The following ZNF609 variants were observed in gnomAD, a reference collection of about 807,000 sequenced individuals.
ZNF609 encodes zinc finger protein 609.
ZNF609 carries 11 observed loss-of-function variants against 109.5 expected under a neutral mutation model. The ratio of observed to expected loss-of-function variants is 0.10; its 90% CI spans 0.06 to 0.17. The LOEUF (loss-of-function observed/expected upper bound fraction) is 0.17, where lower values mean the gene tolerates loss of function less well. Ranked by LOEUF, ZNF609 falls within the 10% of genes least tolerant of loss-of-function variation. The pLI, the probability that ZNF609 is intolerant of heterozygous loss-of-function variation, is 1.00. For missense variants in ZNF609, 1,559 were observed against 1,772.4 expected (o/e 0.88, Z 2.16); for synonymous variants, 646 against 662.0 (o/e 0.98, Z 0.37).
At position 64,680,791 on chromosome 15, in the gene ZNF609, C is replaced by T; in HGVS notation, c.4091C>T (p.Ser1364Phe). The T allele has an allele frequency of 6.2e-7, 1 of 1,613,576 alleles. No individual in the cohort carries two copies. The highest frequency in any genetic ancestry group is 8.5e-7 in the Non-Finnish European group (1 of 1,180,018). Reference sequence around the variant, plus strand: ...ACCTCTCCTTCCCAGCGCCTGATGTCCACACACCACCACCACCACCACTTG... The same window carrying T: ...ACCTCTCCTTCCCAGCGCCTGATGTTCACACACCACCACCACCACCACTTG... ...PRTSPSQRLMSTHHHHHHLGY... is the reference protein window; with the variant it reads ...PRTSPSQRLMFTHHHHHHLGY... Residue 1364 changes from serine to phenylalanine, a missense_variant, in exon 8 of 10, where the codon TCC (serine) becomes TTC (phenylalanine). Physicochemically the swap from Ser to Phe is radical, Grantham distance 155 (BLOSUM62 -2). Coordinates refer to ENST00000326648, the MANE Select transcript of ZNF609 (RefSeq NM_015042.2).
chr15:64,541,281 G>A (rs1180191811), intron 2 of ZNF609, among the ~76,000 whole-genome samples: 1 of 150,240 alleles, frequency 6.7e-6, no homozygotes, highest in Non-Finnish European at 1.5e-5. Flanking sequence ...CAAAACATTG[G>A]CCGGGCGTGG....
chr15:64,609,328 A>ATTTTTG (rs1340510770), intron 2 of ZNF609, among the ~76,000 whole-genome samples: 2 of 151,462 alleles, frequency 1.3e-5, no homozygotes, highest in African/African-American at 4.9e-5. Context: ...TAAGAGGCTA[A>ATTTTTG]TTTTTGTTTT....
chr15:64,462,425 G>T (rs1027552298), intron 1 of ZNF609, among the ~76,000 whole-genome samples: 6 of 152,182 alleles, frequency 3.9e-5, no homozygotes, highest in African/African-American at 1.4e-4. Context: ...CACTCATGCA[G>T]TGATTTTTGT....
At chr15:64,583,300 G>A (rs8042480) in intron 2 of ZNF609, among the ~76,000 whole-genome samples, 7,916 of 150,134 alleles carry the variant, frequency 0.053, 701 homozygotes, top group African/African-American at 0.18. Context: ...CCAAGATTGC[G>A]CCACTGCACT....
At chr15:64,624,662 A>G (rs1259502012) in intron 3 of ZNF609, among the ~76,000 whole-genome samples, 1 of 151,592 alleles carries the variant, frequency 6.6e-6, no homozygotes, top group East Asian at 1.9e-4. Context: ...AAATTAACAC[A>G]TAATTTTTTT....
At chr15:64,559,633 G>A (rs1894645983) in intron 2 of ZNF609, among the ~76,000 whole-genome samples, 1 of 152,116 alleles carries the variant, frequency 6.6e-6, no homozygotes, top group Admixed American at 6.5e-5. Flanking sequence ...GGAAAGATGG[G>A]CATATAATGA....
chr15:64,573,331 TA>T (rs1894890238), intron 2 of ZNF609, among the ~76,000 whole-genome samples: 1 of 145,630 alleles, frequency 6.9e-6, no homozygotes, highest in Non-Finnish European at 1.5e-5. Flanking sequence ...GCAGTAGAGT[TA>T]GTGGCCCAAC....
At chr15:64,613,176 C>A (rs1895744626) in intron 2 of ZNF609, among the ~76,000 whole-genome samples, 1 of 152,006 alleles carries the variant, frequency 6.6e-6, no homozygotes, top group Admixed American at 6.6e-5. Context: ...CAACAGTTAA[C>A]CAGTCATGGT....
chr15:64,536,459 A>G (rs1413622202), intron 2 of ZNF609, among the ~76,000 whole-genome samples: 1 of 152,112 alleles, frequency 6.6e-6, no homozygotes, highest in African/African-American at 2.4e-5. Context: ...GCTTGAATCA[A>G]CTAGGGTTCG....
At chr15:64,552,997 C>A (rs908577304) in intron 2 of ZNF609, among the ~76,000 whole-genome samples, 4 of 152,098 alleles carry the variant, frequency 2.6e-5, no homozygotes, top group Non-Finnish European at 5.9e-5. Context: ...ATCCAGTGGT[C>A]CAGCACTGTT....
intron 3 of ZNF609, among the ~76,000 whole-genome samples, chr15:64,623,798 C>T (rs1286309606): frequency 6.6e-6 from 1 of 152,140 alleles, no homozygotes; most frequent in East Asian, 1.9e-4. Context: ...CTTTTGGTAA[C>T]ATCTGGTGGC....
intron 2 of ZNF609, among the ~76,000 whole-genome samples, chr15:64,518,781 G>C (rs548144238): frequency 1.3e-5 from 2 of 152,064 alleles, no homozygotes; most frequent in Non-Finnish European, 2.9e-5. Context: ...AGAAGAAGTC[G>C]AGAGTCATGT....
At chr15:64,485,486 T>TA (rs1893318706) in intron 1 of ZNF609, among the ~76,000 whole-genome samples, 1 of 152,196 alleles carries the variant, frequency 6.6e-6, no homozygotes, top group Non-Finnish European at 1.5e-5. Context: ...GAGATAATTA[T>TA]AGAGTCTTAC....
chr15:64,460,125 C>T (rs982878247), upstream of ZNF609, among the ~76,000 whole-genome samples: 30 of 151,998 alleles, frequency 2.0e-4, no homozygotes, highest in African/African-American at 7.2e-4. Flanking sequence ...TGGATGAAAC[C>T]ATCAGGAGCT....
At chr15:64,486,982 C>T (rs1238194690) in intron 1 of ZNF609, among the ~76,000 whole-genome samples, 2 of 152,084 alleles carry the variant, frequency 1.3e-5, no homozygotes, top group Non-Finnish European at 2.9e-5. Flanking sequence ...AGTTATGTCA[C>T]AATTTTTGGT....
chr15:64,651,900 T>C (rs1408395947), intron 3 of ZNF609, among the ~76,000 whole-genome samples: 1 of 152,174 alleles, frequency 6.6e-6, no homozygotes, highest in African/African-American at 2.4e-5. Context: ...TCACGTGTTA[T>C]GTATTACCTC....
At chr15:64,671,488 A>C (rs1164319442) in intron 4 of ZNF609, 1 of 152,226 alleles carries the variant, frequency 6.6e-6, no homozygotes, top group Non-Finnish European at 1.5e-5. Context: ...CATTGATGAT[A>C]GCTATTTCTC....
chr15:64,488,956 G>A (rs915711352), intron 1 of ZNF609, among the ~76,000 whole-genome samples: 62 of 151,394 alleles, frequency 4.1e-4, no homozygotes, highest in African/African-American at 1.5e-3. Flanking sequence ...CAATTAGCCG[G>A]GTATGGTGGT....
chr15:64,471,206 A>G (rs997483745), intron 1 of ZNF609: 4 of 152,082 alleles, frequency 2.6e-5, no homozygotes, highest in African/African-American at 9.7e-5. Flanking sequence ...TAAAAATACA[A>G]AAAAATAAGT....
Sources: gnomAD v4.1 joint callset for allele counts (sites outside exome capture counted in the v4.1 genomes callset) on GRCh38, gnomAD v4.1.1 for gene constraint, MANE v1.5 for transcripts, NCBI Gene and HGNC (gene_info 2026-07-23, HGNC 2026-07-21) for gene names.